Variants in TP63 observed in about 807,000 individuals in gnomAD.
TP63 encodes the protein tumor protein 63.
A neutral mutation model predicts 82.8 loss-of-function variants in TP63; 17 were observed. The observed-to-expected ratio is 0.21, with a 90% CI of 0.14 to 0.31. The LOEUF is 0.31. Among genes scored for constraint, TP63 ranks in the 10% least tolerant of loss-of-function variants. The pLI, the probability that TP63 is intolerant of heterozygous loss-of-function variation, is 1.00. For missense variants in TP63, 648 were observed against 895.3 expected (o/e 0.72, Z 3.52); for synonymous variants, 330 against 321.7 (o/e 1.03, Z -0.28).
At chr3:189,789,693 G>T in intron 3 of TP63, 1 of 1,423,290 alleles carries the variant, frequency 7.0e-7, no homozygotes. Context: ...CTTGAGTTCT[G>T]TTATCTTCTT....
chr3:189,611,235 T>G, the TP63 span, among the ~76,000 whole-genome samples: 1 of 152,216 alleles, frequency 6.6e-6, no homozygotes, highest in Non-Finnish European at 1.5e-5. Context: ...ATGTCCAGGA[T>G]GGTATTGCCT....
At chr3:189,754,643 A>T (rs914862018) in intron 3 of TP63, among the ~76,000 whole-genome samples, 3 of 152,168 alleles carry the variant, frequency 2.0e-5, no homozygotes, top group Non-Finnish European at 4.4e-5. Context: ...TCATAGAAAC[A>T]GCAATCATTT....
chr3:189,751,360 G>A (rs1316664637), intron 3 of TP63, among the ~76,000 whole-genome samples: 1 of 152,174 alleles, frequency 6.6e-6, no homozygotes, highest in Non-Finnish European at 1.5e-5. Context: ...GGGTCAAATG[G>A]TATTTCCAGT....
At chr3:189,773,513 A>G (rs1400750011) in intron 3 of TP63, among the ~76,000 whole-genome samples, 2 of 152,240 alleles carry the variant, frequency 1.3e-5, no homozygotes, top group East Asian at 3.8e-4. Context: ...TAAGTTGCCA[A>G]GCCAAAATTG....
chr3:189,774,278 CAAAA>C lies in TP63; in HGVS notation c.325-33990_325-33987del, dbSNP rs374522051. Among the ~76,000 whole-genome samples, 75 of 152,144 alleles carry C rather than the reference CAAAA, an allele frequency of 4.9e-4. 2 individuals carry two copies. In the East Asian group the frequency reaches 0.013, roughly 25 times the overall value. On this transcript the variant is annotated intron_variant, in intron 3 of 13. Transcript: ENST00000264731. ...GCTGAATATGAAACAAAAACAAAAA[CAAAA>C]AAACCAAGTTCTTAGCTTCATATTT... is the stretch of plus-strand genomic sequence containing the variant.
At chr3:189,786,149 C>G (rs1243829820) in intron 3 of TP63, among the ~76,000 whole-genome samples, 1 of 151,750 alleles carries the variant, frequency 6.6e-6, no homozygotes, top group Admixed American at 6.6e-5. Context: ...ATATATTATT[C>G]GATAAATAAT....
At chr3:189,675,175 T>C (rs1045167297) in intron 1 of TP63, among the ~76,000 whole-genome samples, 4 of 152,070 alleles carry the variant, frequency 2.6e-5, no homozygotes, top group Non-Finnish European at 5.9e-5. Flanking sequence ...CTGGAGTCTT[T>C]TAATGAGGGC....
chr3:189,770,898 A>T (rs1723288052), intron 3 of TP63, among the ~76,000 whole-genome samples: 1 of 152,216 alleles, frequency 6.6e-6, no homozygotes, highest in South Asian at 2.1e-4. Flanking sequence ...GAAGAATGAT[A>T]CTTATCCATC....
chr3:189,669,078 T>A (rs1244924393), intron 1 of TP63, among the ~76,000 whole-genome samples: 1 of 150,024 alleles, frequency 6.7e-6, no homozygotes, highest in African/African-American at 2.4e-5. Context: ...ATTCAGGGAA[T>A]AAATAATATA....
chr3:189,645,178 A>G, intron 1 of TP63: 1 of 225,270 alleles, frequency 4.4e-6, no homozygotes, highest in Non-Finnish European at 8.7e-6. Context: ...TCAAACTTGA[A>G]GGGACTTCAA....
chr3:189,682,637 C>CA (rs1233405561), intron 1 of TP63, among the ~76,000 whole-genome samples: 2 of 145,816 alleles, frequency 1.4e-5, no homozygotes, highest in Non-Finnish European at 3.0e-5. Context: ...TTTATAATTG[C>CA]AAAAAACACA....
intron 4 of TP63, among the ~76,000 whole-genome samples, chr3:189,823,177 A>G (rs1490426115): frequency 2.0e-5 from 3 of 152,174 alleles, no homozygotes; most frequent in African/African-American, 7.2e-5. Context: ...CAAAACACAC[A>G]GCAAGCCTTC....
At chr3:189,773,033 G>A (rs1723493550) in intron 3 of TP63, among the ~76,000 whole-genome samples, 2 of 152,140 alleles carry the variant, frequency 1.3e-5, no homozygotes, top group Non-Finnish European at 2.9e-5. Context: ...CAATAAATCA[G>A]CGAAAATGTT....
chr3:189,848,270 T>TCTCTCTCTCTCTCTCTC (rs1560254388), intron 4 of TP63, among the ~76,000 whole-genome samples: 5 of 151,054 alleles, frequency 3.3e-5, no homozygotes, highest in East Asian at 1.9e-4. Context: ...TCTCTCTCTC[T>TCTCTCTCTCTCTCTCTC]GTTGCCTAGG....
rs73057247 is a variant in TP63, at chr3:189,835,108, A to G, written c.579+26582A>G. 4.9e-3 allele frequency among the ~76,000 whole-genome samples: 740 copies of G among 152,190 alleles called. 7 individuals carry two copies. The highest frequency in any genetic ancestry group is 0.017 in the African/African-American group (699 of 41,536). On this transcript the variant is annotated intron_variant, in intron 4 of 13. Coordinates refer to ENST00000264731, the MANE Select transcript of TP63 (RefSeq NM_003722.5). ...CTTGGTGGAGGGAGTCAAATCTCCT[A>G]GTTTGAGATCCCACACATATAAAGC...
intron 1 of TP63, among the ~76,000 whole-genome samples, chr3:189,695,769 CTTAA>C (rs1285043633): frequency 6.6e-6 from 1 of 152,174 alleles, no homozygotes; most frequent in Non-Finnish European, 1.5e-5. Context: ...CATCCATTTA[CTTAA>C]TTGTTTTATC....
chr3:189,843,584 G>A lies in TP63; in HGVS notation c.580-20648G>A, dbSNP rs146798849. On this transcript the variant is annotated intron_variant, in intron 4 of 13. Coordinates refer to ENST00000264731, the MANE Select transcript of TP63 (RefSeq NM_003722.5). Reference sequence around the variant, plus strand: ...GGAGAAGTAAATACCTTGCCAAGACGACTGTGGGGCCAATGTTGGGATCTG... The same window carrying A: ...GGAGAAGTAAATACCTTGCCAAGACAACTGTGGGGCCAATGTTGGGATCTG... 2.6e-4 allele frequency among the ~76,000 whole-genome samples: 40 copies of A among 152,326 alleles called. No individual in the cohort carries two copies. In the East Asian group the frequency reaches 7.1e-3, roughly 27 times the overall value.
intron 1 of TP63, among the ~76,000 whole-genome samples, chr3:189,704,305 C>T (rs968655478): frequency 3.3e-5 from 5 of 152,324 alleles, no homozygotes; most frequent in Admixed American, 2.0e-4. Context: ...TGGTTCTCTA[C>T]GTGGTAATAC....
intron 4 of TP63, among the ~76,000 whole-genome samples, chr3:189,841,107 G>T (rs1192531377): frequency 6.6e-6 from 1 of 152,046 alleles, no homozygotes. Context: ...TTTGAACACG[G>T]CAAGGACACC....
Sources: allele counts gnomAD v4.1 joint callset (sites outside exome capture counted in the v4.1 genomes callset), GRCh38; gene constraint gnomAD v4.1.1; transcripts MANE v1.5; gene names NCBI Gene and HGNC (gene_info 2026-07-23, HGNC 2026-07-21).